IFNAR1: variants seen among roughly 807,000 people sequenced by gnomAD.
IFNAR1 encodes the protein interferon alpha/beta receptor 1.
A neutral mutation model predicts 62.1 loss-of-function variants in IFNAR1; 47 were observed. That is an observed-to-expected ratio of 0.76 (90% CI 0.60 to 0.97). The LOEUF is 0.97. IFNAR1 is among the 50% of genes least tolerant of loss of function. IFNAR1 has a pLI of 0.00. For synonymous variants in IFNAR1, 219 were observed against 226.9 expected (o/e 0.97, Z 0.31); for missense variants, 638 against 654.5 (o/e 0.97, Z 0.27).
chr21:33,330,104 CCTTAGCAGA>C (rs1231411396), intron 1 of IFNAR1, among the ~76,000 whole-genome samples: 1 of 152,186 alleles, frequency 6.6e-6, no homozygotes, highest in African/African-American at 2.4e-5. Flanking sequence ...ACCTCTCAAC[CCTTAGCAGA>C]CAGCTGTGCA....
chr21:33,330,190 A>T (rs1222781774), intron 1 of IFNAR1, among the ~76,000 whole-genome samples: 1 of 152,166 alleles, frequency 6.6e-6, no homozygotes, highest in African/African-American at 2.4e-5. Flanking sequence ...CACCATCCAG[A>T]TATCTGGGAT....
chr21:33,325,624 C>T (rs1196808170), intron 1 of IFNAR1, among the ~76,000 whole-genome samples: 1 of 152,114 alleles, frequency 6.6e-6, no homozygotes, highest in Non-Finnish European at 1.5e-5. Flanking sequence ...TGTCAGTTCT[C>T]GAGGTTTACT....
rs2083481065 is a variant in IFNAR1 at position 33,359,573 on chromosome 21, T to C, written c.*4024T>C. Reference sequence around the variant, plus strand: ...AAGTTTGCTGTGGTATTGCATAGCCTTGCTTTCTTGAACTAAACTGTTTGC... The same window carrying C: ...AAGTTTGCTGTGGTATTGCATAGCCCTGCTTTCTTGAACTAAACTGTTTGC... On this transcript the variant is annotated 3_prime_UTR_variant, in exon 11 of 11. Coordinates refer to ENST00000270139, the MANE Select transcript of IFNAR1 (RefSeq NM_000629.3). 6.6e-6 allele frequency: 1 copy of C among 152,194 alleles called. No individual in the cohort carries two copies. Among genetic ancestry groups the C allele is most frequent in the Non-Finnish European group, 1.5e-5 (1 of 68,036 alleles). 9.4% of individuals were successfully genotyped at this position (152,194 alleles called of 1,614,324 possible).
At position 33,356,281 on chromosome 21, in the gene IFNAR1, AT is replaced by A. The variant is rs1280952554; in HGVS notation, c.*734del. ...TTCGCCATTCCTAACATTCTGTTTC[AT>A]TCTTCCTCGGGAGATATTTCAAACA... On this transcript the variant is annotated 3_prime_UTR_variant, in exon 11 of 11. Transcript: ENST00000270139. The A allele has an allele frequency of 2.0e-5, 3 of 152,218 alleles. No homozygotes were observed. The highest frequency in any genetic ancestry group is 2.9e-5 in the Non-Finnish European group (2 of 68,056). 9.4% of individuals were successfully genotyped at this position (152,218 alleles called of 1,614,324 possible). A position where few individuals can be genotyped will look rare whatever the true frequency, so the allele number is the denominator to read the frequency against.
chr21:33,339,278 G>T (rs544127637), intron 2 of IFNAR1, among the ~76,000 whole-genome samples: 1 of 152,254 alleles, frequency 6.6e-6, no homozygotes, highest in African/African-American at 2.4e-5. Flanking sequence ...TTTCAAGAAT[G>T]TTTAAGGTAT....
intron 6 of IFNAR1, among the ~76,000 whole-genome samples, chr21:33,348,564 G>A (rs2083370201): frequency 6.6e-6 from 1 of 152,120 alleles, no homozygotes; most frequent in African/African-American, 2.4e-5. Flanking sequence ...TATTTTAGGA[G>A]GCCGAGGTAG....
chr21:33,345,321 A>C lies in IFNAR1; in HGVS notation c.749A>C (p.Tyr250Ser). 1 of 1,604,006 alleles carries C rather than the reference A, an allele frequency of 6.2e-7. No homozygotes were observed. Among genetic ancestry groups the C allele is most frequent in the Non-Finnish European group, 8.5e-7 (1 of 1,171,158 alleles). ...QNQNYVLKWDYTYANMTFQVQ... is the reference protein window; with the variant it reads ...QNQNYVLKWDSTYANMTFQVQ... ...CAGAACTATGTTCTTAAATGGGATT[A>C]TACATATGCAAACATGACCTTTCAA... The change falls in exon 6 of 11, where the codon TAT becomes TCT. Residue 250 changes from tyrosine to serine, a missense_variant. Physicochemically the swap from Tyr to Ser is moderately radical, Grantham distance 144. Coordinates refer to ENST00000270139, the MANE Select transcript of IFNAR1 (RefSeq NM_000629.3).
At chr21:33,353,951 A>G (rs2083424340) in intron 10 of IFNAR1, among the ~76,000 whole-genome samples, 168 bp downstream of exon 10, 1 of 152,246 alleles carries the variant, frequency 6.6e-6, no homozygotes, top group African/African-American at 2.4e-5. Flanking sequence ...CAGTAATTTC[A>G]TGTAATAACA....
chr21:33,325,041 T>G lies in IFNAR1; in HGVS notation c.-15T>G. On this transcript the variant is annotated 5_prime_UTR_variant, in exon 1 of 11. Coordinates refer to ENST00000270139, the MANE Select transcript of IFNAR1 (RefSeq NM_000629.3). ...GCGCGAACATGTAACTGGTGGGATC[T>G]GCGGCGGCTCCCAGATGATGGTCGT... is the stretch of plus-strand genomic sequence containing the variant. 1 of 1,584,962 alleles carries G rather than the reference T, an allele frequency of 6.3e-7. No homozygotes were observed. Among genetic ancestry groups the G allele is most frequent in the Non-Finnish European group, 8.6e-7 (1 of 1,166,574 alleles).
rs774691840 is a variant in IFNAR1 at position 33,353,783 on chromosome 21, G to C, written c.1440G>C (p.Glu480Asp). 1.3e-6 allele frequency: 2 copies of C among 1,549,622 alleles called. No homozygotes were observed. Among genetic ancestry groups the C allele is most frequent in the East Asian group, 2.4e-5 (1 of 41,548 alleles). ...PSLKPSSSID[E>D]YFSEQPLKNL... is the part of the protein sequence containing the mutation. Reference sequence around the variant, plus strand: ...TTAAACCTTCTTCCAGTATAGATGAGGTATGTTACTTTTTTTATTTTTTTG... The same window carrying C: ...TTAAACCTTCTTCCAGTATAGATGACGTATGTTACTTTTTTTATTTTTTTG... Residue 480 changes from glutamate to aspartate, a missense_variant and splice_region_variant, in exon 10 of 11, where the codon GAG becomes GAC. Coordinates refer to ENST00000270139, the MANE Select transcript of IFNAR1 (RefSeq NM_000629.3).
Position 33,355,989 on chromosome 21 carries a change from C to G in IFNAR1, c.*440C>G, listed in dbSNP as rs1461462917. 1.3e-5 allele frequency: 2 copies of G among 152,554 alleles called. No homozygotes were observed. Among genetic ancestry groups the G allele is most frequent in the African/African-American group, 4.8e-5 (2 of 41,418 alleles). 9.5% of individuals were successfully genotyped at this position (152,554 alleles called of 1,614,324 possible). ...CGAGATCACGCCACTGCACTCCAGC[C>G]TGGTGACAGCGTGAGACTCTTTAAA... On this transcript the variant is annotated 3_prime_UTR_variant, in exon 11 of 11. Transcript: ENST00000270139.
At chr21:33,330,667 T>G (rs1173076725) in intron 1 of IFNAR1, among the ~76,000 whole-genome samples, 1 of 152,084 alleles carries the variant, frequency 6.6e-6, no homozygotes, top group East Asian at 1.9e-4. Flanking sequence ...TTTAGCAAAC[T>G]TAACTAAGAG....
At chr21:33,337,686 C>CATATACACACATTG (rs1568927954) in intron 2 of IFNAR1, among the ~76,000 whole-genome samples, 11 of 58,534 alleles carry the variant, frequency 1.9e-4, no homozygotes, top group African/African-American at 6.6e-4. Context: ...ATAATACATA[C>CATATACACACATTG]TGTATACATA....
At chr21:33,335,157 T>C (rs773497589) in intron 1 of IFNAR1, 5 of 578,016 alleles carry the variant, frequency 8.7e-6, no homozygotes, top group Non-Finnish European at 1.6e-5. Context: ...TCTATGAACA[T>C]ACAATGTGAA....
chr21:33,342,541 C>G (rs913786179), intron 3 of IFNAR1, among the ~76,000 whole-genome samples: 3 of 151,526 alleles, frequency 2.0e-5, no homozygotes, highest in Non-Finnish European at 2.9e-5. Flanking sequence ...TCTGTTCCTC[C>G]TCACTTAAAA....
chr21:33,349,813 C>A (rs1402206249), intron 8 of IFNAR1, among the ~76,000 whole-genome samples: 1 of 151,790 alleles, frequency 6.6e-6, no homozygotes, highest in African/African-American at 2.4e-5. Context: ...ATATTCCCAG[C>A]TACTTGGGGT....
intron 1 of IFNAR1, among the ~76,000 whole-genome samples, chr21:33,326,212 CTTTTTTTT>C (rs3989181): frequency 1.4e-5 from 2 of 138,320 alleles, no homozygotes; most frequent in African/African-American, 5.4e-5. Context: ...TTTATTTATA[CTTTTTTTT>C]TTTTTTTTTT....
intron 1 of IFNAR1, among the ~76,000 whole-genome samples, chr21:33,326,757 G>T (rs1568924335): frequency 6.6e-6 from 1 of 151,990 alleles, no homozygotes; most frequent in Non-Finnish European, 1.5e-5. Flanking sequence ...CTTCCCTTTT[G>T]CGTAAGAAAG....
intron 1 of IFNAR1, chr21:33,334,458 C>G (rs1481062003): frequency 6.6e-6 from 2 of 304,504 alleles, no homozygotes; most frequent in Admixed American, 9.0e-5. Flanking sequence ...CCAAAAAACT[C>G]AAAACCCTGT....
Sources: allele counts gnomAD v4.1 joint callset (sites outside exome capture counted in the v4.1 genomes callset), GRCh38; gene constraint gnomAD v4.1.1; transcripts MANE v1.5; gene names NCBI Gene and HGNC (gene_info 2026-07-23, HGNC 2026-07-21).